The following TRIP12 variants were observed in gnomAD, a reference collection of about 807,000 sequenced individuals.
The protein encoded by TRIP12 is thyroid hormone receptor interactor 12, also known as E3 ubiquitin-protein ligase TRIP12.
A neutral mutation model predicts 244.2 loss-of-function variants in TRIP12; 25 were observed. The ratio of observed to expected loss-of-function variants is 0.10; its 90% CI spans 0.07 to 0.14. The LOEUF (loss-of-function observed/expected upper bound fraction) is 0.14, where lower values mean the gene tolerates loss of function less well. Among genes scored for constraint, TRIP12 ranks in the 10% least tolerant of loss-of-function variants. The pLI is 1.00. For synonymous variants in TRIP12, 905 were observed against 873.1 expected, an observed-to-expected ratio of 1.04 and a Z score of -0.64; for missense variants, 1,677 against 2,486.4, an observed-to-expected ratio of 0.67 and a Z score of 6.92.
Position 229,824,811 on chromosome 2 carries a change from ATTAT to A in TRIP12, c.1450+4378_1450+4381del, listed in dbSNP as rs545198139. ...AAGGACAAGGCATAAAATTTAAAAGATTATTTATGTGAGAGGAAGAAGCAGGGAA... is the reference window on the plus strand; with the variant it reads ...AAGGACAAGGCATAAAATTTAAAAGATTATGTGAGAGGAAGAAGCAGGGAA... On this transcript the variant is annotated intron_variant, in intron 8 of 41. Transcript: ENST00000675903. 3.5e-4 allele frequency among the ~76,000 whole-genome samples: 53 copies of A among 152,364 alleles called. No homozygotes were observed. In the East Asian group the frequency reaches 9.6e-3, roughly 28 times the overall value.
chr2:229,891,515 C>G (rs570538864), intron 1 of TRIP12, among the ~76,000 whole-genome samples: 33 of 152,032 alleles, frequency 2.2e-4, no homozygotes, highest in African/African-American at 7.7e-4. Flanking sequence ...GGTGGGAGGA[C>G]TGCTTGAGCC....
intron 2 of TRIP12, among the ~76,000 whole-genome samples, chr2:229,864,045 AGAGTGTGTGT>A (rs1244304207): frequency 3.0e-4 from 20 of 67,264 alleles, no homozygotes; most frequent in African/African-American, 8.1e-4. Context: ...AGAGAGAGAG[AGAGTGTGTGT>A]GTGTGTGTGT....
At chr2:229,829,815 GGCA>G (rs750539781) in intron 7 of TRIP12, among the ~76,000 whole-genome samples, 17 of 152,120 alleles carry the variant, frequency 1.1e-4, no homozygotes, top group Non-Finnish European at 1.9e-4. Context: ...CAGGTGCAGT[GGCA>G]GGCACCTGTA....
rs1266633334 is a variant in TRIP12 at position 229,806,023 on chromosome 2, A to G, written c.2497-140T>C. 4.7e-6 allele frequency: 3 copies of G among 634,178 alleles called. No homozygotes were observed. The African/African-American group carries it at 5.4e-5, about 11-fold the overall frequency. The allele number at this position is 634,178 out of a possible 1,614,324, so 39.3% of individuals were successfully genotyped here. A position where few individuals can be genotyped will look rare whatever the true frequency, so the allele number is the denominator to read the frequency against. Reference sequence around the variant, plus strand: ...GATGGTGAAGTTAACAGAAGATGGAATAATAGTGTAGATATGACAAAACTC... The same window carrying G: ...GATGGTGAAGTTAACAGAAGATGGAGTAATAGTGTAGATATGACAAAACTC... On this transcript the variant is annotated intron_variant, in intron 17 of 41. Transcript: ENST00000675903.
intron 38 of TRIP12, chr2:229,773,835 T>TTTTA (rs750491783): frequency 1.6e-5 from 5 of 303,160 alleles, no homozygotes; most frequent in Non-Finnish European, 3.0e-5. Flanking sequence ...TTCACTTGTT[T>TTTTA]TTTAAACTAA....
intron 1 of TRIP12, among the ~76,000 whole-genome samples, chr2:229,908,236 T>G (rs1042325507): frequency 1.3e-5 from 2 of 152,212 alleles, no homozygotes; most frequent in Admixed American, 1.3e-4. Context: ...ACCAGTGGAC[T>G]GACCTAGATC....
At chr2:229,864,674 G>A (rs2061188937) in intron 2 of TRIP12, among the ~76,000 whole-genome samples, 1 of 151,750 alleles carries the variant, frequency 6.6e-6, no homozygotes, top group Admixed American at 6.6e-5. Flanking sequence ...GGGAAAAACT[G>A]CTTATGAACC....
chr2:229,817,489 G>A (rs2048792475), intron 9 of TRIP12, among the ~76,000 whole-genome samples: 1 of 152,130 alleles, frequency 6.6e-6, no homozygotes, highest in Non-Finnish European at 1.5e-5. Flanking sequence ...ATATTTAAAA[G>A]TTTAAGGAAT....
In TRIP12 at chr2:229,769,223, G is replaced by A; in HGVS notation, c.5903+8C>T. 6.2e-7 allele frequency: 1 copy of A among 1,610,840 alleles called. No individual in the cohort carries two copies. The highest frequency in any genetic ancestry group is 8.5e-7 in the Non-Finnish European group (1 of 1,178,404). ...TCAACAGAAAAACTGGCAGACCCCA[G>A]TACTTACCTGTCATGAGTATAACCA... On this transcript the variant is annotated splice_region_variant and intron_variant, in intron 40 of 41. Transcript: ENST00000675903.
intron 25 of TRIP12, among the ~76,000 whole-genome samples, chr2:229,795,887 A>AAT (rs1409681435): frequency 1.3e-5 from 2 of 152,234 alleles, no homozygotes; most frequent in Non-Finnish European, 2.9e-5. Flanking sequence ...CACAAGTTAA[A>AAT]ATACAAGCAA....
chr2:229,875,951 C>A (rs2063500134), intron 2 of TRIP12, among the ~76,000 whole-genome samples: 1 of 152,154 alleles, frequency 6.6e-6, no homozygotes, highest in Non-Finnish European at 1.5e-5. Flanking sequence ...TAGATAATTG[C>A]TAGAACAGTA....
At chr2:229,792,886 A>T in intron 27 of TRIP12, 87 bp downstream of exon 27, 1 of 1,363,756 alleles carries the variant, frequency 7.3e-7, no homozygotes, top group Non-Finnish European at 9.9e-7. Flanking sequence ...AAACAACATT[A>T]AACAGAGAAA....
At position 229,831,185 on chromosome 2, in the gene TRIP12, GATT is replaced by G. The variant is rs530981710; in HGVS notation, c.1271-349_1271-347del. ...AAGAACATACTGCTGTAACAATTGT[GATT>G]ATTTAACAGATGGCCAATTAGTAAC... On this transcript the variant is annotated intron_variant, in intron 6 of 41. Coordinates refer to ENST00000675903, the MANE Select transcript of TRIP12 (RefSeq NM_001348323.3). 7.7e-4 allele frequency: 538 copies of G among 695,968 alleles called. 3 individuals carry two copies. The highest frequency in any genetic ancestry group is 1.0e-3 in the Non-Finnish European group (387 of 379,944). The allele number at this position is 695,968 out of a possible 1,614,324, so 43.1% of individuals were successfully genotyped here.
chr2:229,884,754 C>A (rs2065655704), intron 1 of TRIP12, among the ~76,000 whole-genome samples: 3 of 152,006 alleles, frequency 2.0e-5, no homozygotes, highest in African/African-American at 7.2e-5. Context: ...ATCACTTGAT[C>A]CCAGAAGTTT....
At chr2:229,848,362 G>A in intron 4 of TRIP12, among the ~76,000 whole-genome samples, 1 of 114,344 alleles carries the variant, frequency 8.7e-6, no homozygotes. Context: ...AGATTACACA[G>A]GCAAAGAAAA....
In TRIP12 at chr2:229,789,777, A is replaced by G. The variant is rs2040960177; in HGVS notation, c.4544-15T>C. 2 of 1,612,736 alleles carry G rather than the reference A, an allele frequency of 1.2e-6. No individual in the cohort carries two copies. The highest frequency in any genetic ancestry group is 2.7e-5 in the African/African-American group (2 of 75,000). ...GCACACTCCATCTAAAGGACAAAAG[A>G]TCAAAGTAAGTTTTGATCAAAGTTA... On this transcript the variant is annotated splice_polypyrimidine_tract_variant and intron_variant, in intron 30 of 41. Coordinates refer to ENST00000675903, the MANE Select transcript of TRIP12 (RefSeq NM_001348323.3).
intron 11 of TRIP12, 131 bp from the exon 12 acceptor site, chr2:229,814,456 G>A (rs2048012457): frequency 1.3e-6 from 1 of 788,246 alleles, no homozygotes; most frequent in Non-Finnish European, 2.0e-6. Flanking sequence ...TAGGATGCAA[G>A]TCACTTAGCA....
chr2:229,802,207 C>T (rs1199010882), intron 21 of TRIP12, 45 bp downstream of exon 21: 7 of 1,499,526 alleles, frequency 4.7e-6, no homozygotes, highest in Non-Finnish European at 4.5e-6. Context: ...ACCAAAGCAG[C>T]GCTAACAGCA....
chr2:229,922,411 A>C (rs1467806487), upstream of TRIP12: 5 of 1,081,076 alleles, frequency 4.6e-6, no homozygotes, highest in Admixed American at 8.0e-5. Flanking sequence ...TCCTTCTGCC[A>C]GCTCATAAGC....
Sources: allele counts gnomAD v4.1 joint callset (sites outside exome capture counted in the v4.1 genomes callset), GRCh38; gene constraint gnomAD v4.1.1; transcripts MANE v1.5; gene names NCBI Gene and HGNC (gene_info 2026-07-23, HGNC 2026-07-21).